CAPN2: variants seen among roughly 807,000 people sequenced by gnomAD.
The protein encoded by CAPN2 is calpain 2, also known as calpain-2 catalytic subunit.
CAPN2 carries 92 observed loss-of-function variants against 102.3 expected under a neutral mutation model. That is an observed-to-expected ratio of 0.90 (90% CI 0.76 to 1.07). The LOEUF is 1.07. CAPN2 is among the 50% of genes least tolerant of loss of function. The probability of loss-of-function intolerance (pLI) is 0.00; values close to 1 mark genes in which losing one functional copy is unlikely to be tolerated. For synonymous variants in CAPN2, 340 were observed against 355.4 expected (o/e 0.96, Z 0.49); for missense variants, 800 against 909.4 (o/e 0.88, Z 1.55).
At position 223,731,289 on chromosome 1, in the gene CAPN2, A is replaced by G. The variant is rs1660328426; in HGVS notation, c.308-12811A>G. 6.6e-6 allele frequency among the ~76,000 whole-genome samples: 1 copy of G among 152,150 alleles called. No homozygotes were observed. The highest frequency in any genetic ancestry group is 6.5e-5 in the Admixed American group (1 of 15,272). On this transcript the variant is annotated intron_variant, in intron 2 of 20. Coordinates refer to ENST00000295006, the MANE Select transcript of CAPN2 (RefSeq NM_001748.5). The surrounding 1 kb of genome is among the most constrained non-coding windows in gnomAD (Gnocchi z 4.2). ...TAAATTCCCTTAGGAGCCAGTTCAG[A>G]TTCCTAAGCTGGCCCGGACATCCAA...
At position 223,766,424 on chromosome 1, in the gene CAPN2, TGCTA is replaced by T. The variant is rs771194251; in HGVS notation, c.1750_1753del (p.Leu584IlefsTer10). ...GAGACATGCAAAATTATGGTTGACA[TGCTA>T]GATGTATCCTTTAATGTGCTCCAGG... is the stretch of plus-strand genomic sequence containing the variant. On this transcript the variant is annotated frameshift_variant, in exon 16 of 21. Coordinates refer to ENST00000295006, the MANE Select transcript of CAPN2 (RefSeq NM_001748.5). LOFTEE classifies it high-confidence loss of function. 1 of 1,611,322 alleles carries T rather than the reference TGCTA, an allele frequency of 6.2e-7. No individual in the cohort carries two copies. Among genetic ancestry groups the T allele is most frequent in the African/African-American group, 1.3e-5 (1 of 75,000 alleles).
In CAPN2 at chr1:223,755,752, C is replaced by A; in HGVS notation, c.1305+103C>A. The A allele has an allele frequency of 1.7e-6, 2 of 1,209,290 alleles. No individual in the cohort carries two copies. The highest frequency in any genetic ancestry group is 2.3e-6 in the Non-Finnish European group (2 of 888,762). 74.9% of individuals were successfully genotyped at this position (1,209,290 alleles called of 1,614,324 possible). A position where few individuals can be genotyped will look rare whatever the true frequency, so the allele number is the denominator to read the frequency against. ...GCAGAACTGGGGATGGGATCCCAGA[C>A]CGGGAGCTTGGCCAAGGAAAAACAA... On this transcript the variant is annotated intron_variant, in intron 10 of 20. Transcript: ENST00000295006. This position sits in a 1 kb window ranked among gnomAD's most constrained non-coding sequence, Gnocchi z 4.1.
In CAPN2 at chr1:223,756,898, C is replaced by G. The variant is rs1661049150; in HGVS notation, c.1306-471C>G. Among the ~76,000 whole-genome samples the G allele has an allele frequency of 6.6e-6, 1 of 152,164 alleles. No individual in the cohort carries two copies. The highest frequency in any genetic ancestry group is 2.4e-5 in the African/African-American group (1 of 41,426). ...CAGAGTTGGGACGGACCTTGGGGAT[C>G]ACTGGGTCCTATTTTTGAGACAAGA... On this transcript the variant is annotated intron_variant, in intron 10 of 20. Transcript: ENST00000295006. The surrounding 1 kb of genome is among the most constrained non-coding windows in gnomAD (Gnocchi z 4.1).
chr1:223,709,661 C>CAAAAAAAAAAAAAAA (rs779362608), upstream of CAPN2, among the ~76,000 whole-genome samples: 9 of 137,826 alleles, frequency 6.5e-5, no homozygotes, highest in South Asian at 9.4e-4. Flanking sequence ...AACTCCATCT[C>CAAAAAAAAAAAAAAA]AAAAAAAAAA....
intron 1 of CAPN2, among the ~76,000 whole-genome samples, chr1:223,714,398 G>T (rs374299747): frequency 6.6e-6 from 1 of 152,118 alleles, no homozygotes; most frequent in Admixed American, 6.5e-5. Flanking sequence ...GAGCTCAGGA[G>T]ATACACCAGT....
intron 1 of CAPN2, among the ~76,000 whole-genome samples, chr1:223,704,729 C>G (rs1012386052): frequency 6.6e-6 from 1 of 152,198 alleles, no homozygotes; most frequent in Admixed American, 6.5e-5. Context: ...GGGCTCAGCC[C>G]TGTGCCTGGA....
At chr1:223,728,984 A>G (rs1398642929) in intron 2 of CAPN2, among the ~76,000 whole-genome samples, 1 of 152,202 alleles carries the variant, frequency 6.6e-6, no homozygotes, top group East Asian at 1.9e-4. Flanking sequence ...TCCCTTCTCT[A>G]TACAAGGTTC....
At chr1:223,772,306 C>T (rs1297727892) in intron 20 of CAPN2, 67 bp downstream of exon 20, 4 of 1,343,304 alleles carry the variant, frequency 3.0e-6, no homozygotes, top group Non-Finnish European at 4.3e-6. Flanking sequence ...AGGGCTGTTA[C>T]TTGAGTGATC....
chr1:223,752,856 A>C lies in CAPN2; in HGVS notation c.1035A>C (p.Pro345=). ...YSRLEICNLT[P]DTLTSDTYKK... ...GCCTGGAGATCTGTAACCTGACCCC[A>C]GACACTCTCACCAGCGATACCTACA... The change falls in exon 9 of 21, where the codon CCA becomes CCC. Residue 345 remains proline (P), a synonymous_variant. Transcript: ENST00000295006. 1.2e-6 allele frequency: 2 copies of C among 1,614,120 alleles called. No homozygotes were observed. Among genetic ancestry groups the C allele is most frequent in the Non-Finnish European group, 8.5e-7 (1 of 1,179,998 alleles).
At chr1:223,747,274 C>T (rs1393337724) in intron 5 of CAPN2, 109 bp downstream of exon 5, 31 of 1,103,418 alleles carry the variant, frequency 2.8e-5, no homozygotes, top group Non-Finnish European at 3.5e-5. Flanking sequence ...TAATGCAGCC[C>T]TCGTCCACGT....
intron 1 of CAPN2, among the ~76,000 whole-genome samples, 167 bp from the exon 2 acceptor site, chr1:223,717,595 G>T (rs1357353956): frequency 6.6e-6 from 1 of 152,100 alleles, no homozygotes; most frequent in African/African-American, 2.4e-5. Flanking sequence ...AGGGAGCAGG[G>T]GTCAGAAGGA....
chr1:223,766,914 C>G (rs28370158), intron 16 of CAPN2, among the ~76,000 whole-genome samples: 69 of 151,564 alleles, frequency 4.6e-4, no homozygotes, highest in Non-Finnish European at 8.1e-4. Context: ...GAGCTGAGAT[C>G]GCGCCACTGC....
intron 8 of CAPN2, 71 bp from the exon 9 acceptor site, chr1:223,752,725 T>C: frequency 6.7e-7 from 1 of 1,491,828 alleles, no homozygotes; most frequent in Middle Eastern, 1.7e-4. Flanking sequence ...CCTGGTCTGG[T>C]GTTGGTGGAA....
chr1:223,766,034 G>GT (rs1661305864), intron 15 of CAPN2, among the ~76,000 whole-genome samples: 1 of 152,198 alleles, frequency 6.6e-6, no homozygotes, highest in Non-Finnish European at 1.5e-5. Flanking sequence ...CCTGCTCTCT[G>GT]TTTTCTTTTT....
intron 20 of CAPN2, chr1:223,773,272 T>C (rs576826275): frequency 6.6e-6 from 1 of 152,250 alleles, no homozygotes; most frequent in African/African-American, 2.4e-5. Context: ...AAATAAAAAA[T>C]TAGGCTGGCC....
At chr1:223,721,400 T>C (rs998240851) in intron 2 of CAPN2, among the ~76,000 whole-genome samples, 1 of 152,230 alleles carries the variant, frequency 6.6e-6, no homozygotes, top group Non-Finnish European at 1.5e-5. Flanking sequence ...TACTTTGCAC[T>C]GGGTCACCAC....
chr1:223,759,142 C>G lies in CAPN2; in HGVS notation c.1318-128C>G. ...TGGTTTCTGACGCCTGGCCTCGCCT[C>G]CTTATACACCAGGACAGCAGGACTG... On this transcript the variant is annotated intron_variant, in intron 11 of 20. Transcript: ENST00000295006. This position sits in a 1 kb window ranked among gnomAD's most constrained non-coding sequence, Gnocchi z 4.6. 1 of 866,990 alleles carries G rather than the reference C, an allele frequency of 1.2e-6. No individual in the cohort carries two copies. The highest frequency in any genetic ancestry group is 2.0e-5 in the Admixed American group (1 of 49,694). 53.7% of individuals were successfully genotyped at this position (866,990 alleles called of 1,614,324 possible).
At position 223,726,903 on chromosome 1, in the gene CAPN2, C is replaced by G. The variant is rs1416411046; in HGVS notation, c.307+9072C>G. Among the ~76,000 whole-genome samples, 2 of 152,184 alleles carry G rather than the reference C, an allele frequency of 1.3e-5. No individual in the cohort carries two copies. Among genetic ancestry groups the G allele is most frequent in the Non-Finnish European group, 2.9e-5 (2 of 68,034 alleles). On this transcript the variant is annotated intron_variant, in intron 2 of 20. Coordinates refer to ENST00000295006, the MANE Select transcript of CAPN2 (RefSeq NM_001748.5). This position sits in a 1 kb window ranked among gnomAD's most constrained non-coding sequence, Gnocchi z 4.4. Reference sequence around the variant, plus strand: ...CAGGGTGACTCATCAGCTACCCTCTCGCAGGCCTAGCACGCTGGCGGGGTG... The same window carrying G: ...CAGGGTGACTCATCAGCTACCCTCTGGCAGGCCTAGCACGCTGGCGGGGTG...
chr1:223,728,674 C>T (rs1660258582), intron 2 of CAPN2, among the ~76,000 whole-genome samples: 1 of 152,156 alleles, frequency 6.6e-6, no homozygotes, highest in African/African-American at 2.4e-5. Flanking sequence ...TGTCCTTTAC[C>T]AGTAATAACC....
Sources: gnomAD v4.1 joint callset for allele counts (sites outside exome capture counted in the v4.1 genomes callset) on GRCh38, gnomAD v4.1.1 for gene constraint, Gnocchi (gnomAD v3.1) non-coding constraint, MANE v1.5 for transcripts, NCBI Gene and HGNC (gene_info 2026-07-23, HGNC 2026-07-21) for gene names.